TMEM63A: variants seen among roughly 807,000 people sequenced by gnomAD.
TMEM63A encodes the protein mechanosensitive cation channel TMEM63A.
TMEM63A carries 76 observed loss-of-function variants against 100.6 expected under a neutral mutation model. The ratio of observed to expected loss-of-function variants is 0.76; its 90% CI spans 0.63 to 0.91. The LOEUF (loss-of-function observed/expected upper bound fraction) is 0.91, where lower values mean the gene tolerates loss of function less well. TMEM63A is among the 40% of genes least tolerant of loss of function. TMEM63A has a pLI of 0.00. For synonymous variants in TMEM63A, 401 were observed against 401.1 expected (o/e 1.00, Z 0.00); for missense variants, 876 against 1,008.8 (o/e 0.87, Z 1.78).
intron 10 of TMEM63A, chr1:225,863,928 AAAAAAAAAAAAAC>A (rs961361631): frequency 2.7e-5 from 4 of 149,374 alleles, no homozygotes; most frequent in African/African-American, 7.4e-5. Flanking sequence ...AAAAAAAAAA[AAAAAAAAAAAAAC>A]CCAGCAAAAT....
intron 23 of TMEM63A, 62 bp from the exon 24 acceptor site, chr1:225,847,275 C>T: frequency 6.4e-7 from 1 of 1,560,374 alleles, no homozygotes; most frequent in Non-Finnish European, 8.7e-7. Context: ...TGCATCCCTC[C>T]CCTCCTGCCC....
At position 225,846,864 on chromosome 1, in the gene TMEM63A, C is replaced by A; in HGVS notation, c.*75G>T. 1.3e-6 allele frequency: 1 copy of A among 751,560 alleles called. No homozygotes were observed. Among genetic ancestry groups the A allele is most frequent in the Non-Finnish European group, 2.0e-6 (1 of 493,370 alleles). 46.6% of individuals were successfully genotyped at this position (751,560 alleles called of 1,614,324 possible). A position where few individuals can be genotyped will look rare whatever the true frequency, so the allele number is the denominator to read the frequency against. On this transcript the variant is annotated 3_prime_UTR_variant, in exon 25 of 25. Coordinates refer to ENST00000366835, the MANE Select transcript of TMEM63A (RefSeq NM_014698.3). ...TGATAGCTCAGCTGGGCAGTCCCAA[C>A]GCATTCCCACTCAGCCAAGGGCCTG...
intron 3 of TMEM63A, 70 bp from the exon 4 acceptor site, chr1:225,874,437 G>A (rs1216934654): frequency 1.4e-6 from 2 of 1,413,436 alleles, no homozygotes; most frequent in Admixed American, 3.7e-5. Context: ...AGCGGTCTCA[G>A]GGGTAAAGCC....
rs558354248 is a variant in TMEM63A at position 225,870,221 on chromosome 1, G to A, written c.371+855C>T. On this transcript the variant is annotated intron_variant, in intron 6 of 24. Coordinates refer to ENST00000366835, the MANE Select transcript of TMEM63A (RefSeq NM_014698.3). The stretch of plus-strand genomic sequence containing the variant: ...AAAAATATTAGCTGGGCATGGTGGC[G>A]CATGCCTGTAATCTCAGCTACTCTG... 3.9e-3 allele frequency among the ~76,000 whole-genome samples: 588 copies of A among 152,074 alleles called. 1 individual carries two copies. The highest frequency in any genetic ancestry group is 6.4e-3 in the Non-Finnish European group (432 of 68,000).
chr1:225,849,038 G>T (rs1669181368), intron 21 of TMEM63A, 26 bp from the exon 22 acceptor site: 1 of 1,456,822 alleles, frequency 6.9e-7, no homozygotes, highest in South Asian at 1.2e-5. Flanking sequence ...GGCTAGCCTT[G>T]GGGTGGGCAG....
At chr1:225,879,930 C>T (rs1035751367) in intron 1 of TMEM63A, among the ~76,000 whole-genome samples, 4 of 152,156 alleles carry the variant, frequency 2.6e-5, no homozygotes, top group Non-Finnish European at 5.9e-5. Context: ...GAGCATTGTC[C>T]CTGGAAAGGG....
chr1:225,862,358 C>T lies in TMEM63A; in HGVS notation c.952-7G>A. On this transcript the variant is annotated splice_region_variant and splice_polypyrimidine_tract_variant and intron_variant, in intron 12 of 24. Transcript: ENST00000366835. This position sits in a 1 kb window ranked among gnomAD's most constrained non-coding sequence, Gnocchi z 5.1. ...AGTAAGAGATGGCGTCTTCCTGCCA[C>T]AAGACACATCCCATTGGGATGACGT... The T allele has an allele frequency of 6.2e-7, 1 of 1,614,168 alleles. No homozygotes were observed. Among genetic ancestry groups the T allele is most frequent in the Non-Finnish European group, 8.5e-7 (1 of 1,180,026 alleles).
chr1:225,872,095 A>G (rs750740119), intron 4 of TMEM63A, 42 bp from the exon 5 acceptor site: 39 of 592,098 alleles, frequency 6.6e-5, no homozygotes, highest in Middle Eastern at 3.9e-4. Flanking sequence ...TAATTCTTAG[A>G]AAAAAAAAAA....
At chr1:225,861,645 C>G (rs1669943666) in intron 13 of TMEM63A, 1 of 157,704 alleles carries the variant, frequency 6.3e-6, no homozygotes, top group Non-Finnish European at 1.4e-5. Context: ...CTCTCCCGAC[C>G]CACCCTGTGC....
Position 225,853,701 on chromosome 1 carries a change from C to A in TMEM63A, c.1725G>T (p.Leu575=). ...FIGNGMELLR[L]PGLILYTFRM... ...GGAAGGTATAGAGGATGAGACCTGGCAGCCGCAGCAGCTCCATGCCATTGC... is the reference window on the plus strand; with the variant it reads ...GGAAGGTATAGAGGATGAGACCTGGAAGCCGCAGCAGCTCCATGCCATTGC... The change falls in exon 19 of 25, where the codon CTG becomes CTT. Residue 575 remains leucine, a synonymous_variant. Coordinates refer to ENST00000366835, the MANE Select transcript of TMEM63A (RefSeq NM_014698.3). This position sits in a 1 kb window ranked among gnomAD's most constrained non-coding sequence, Gnocchi z 4.0. 1 of 1,591,724 alleles carries A rather than the reference C, an allele frequency of 6.3e-7. No homozygotes were observed. Among genetic ancestry groups the A allele is most frequent in the Non-Finnish European group, 8.6e-7 (1 of 1,169,080 alleles).
chr1:225,857,721 C>G (rs1055491212), intron 15 of TMEM63A, among the ~76,000 whole-genome samples: 3 of 152,086 alleles, frequency 2.0e-5, no homozygotes, highest in African/African-American at 7.2e-5. Flanking sequence ...CTAAATTCTT[C>G]CTTTACTTTA....
At position 225,848,961 on chromosome 1, in the gene TMEM63A, A is replaced by C. The variant is rs776410741; in HGVS notation, c.2123T>G (p.Ile708Ser). The C allele has an allele frequency of 7.5e-6, 11 of 1,474,432 alleles. No individual in the cohort carries two copies. In the East Asian group the frequency reaches 3.3e-4, roughly 44 times the overall value. 91.3% of individuals were successfully genotyped at this position (1,474,432 alleles called of 1,614,324 possible). A position where few individuals can be genotyped will look rare whatever the true frequency, so the allele number is the denominator to read the frequency against. Residue 708 changes from isoleucine to serine, a missense_variant, in exon 22 of 25, where the codon ATC becomes AGC. Transcript: ENST00000366835. ...LFTFLVLLLT[I>S]LVCLAHTCFG... ...GCAGGTGTGAGCCAGGCAGACCAGG[A>C]TGGTGAGCAGCAGCACCAGGAAGGT...
intron 1 of TMEM63A, among the ~76,000 whole-genome samples, chr1:225,881,814 C>T (rs888642891): frequency 2.0e-5 from 3 of 152,166 alleles, no homozygotes; most frequent in Admixed American, 1.3e-4. Context: ...CCCCCAGTCC[C>T]CGAGTCCCCA....
chr1:225,841,535 C>T (rs1265971602), downstream of TMEM63A, among the ~76,000 whole-genome samples: 3 of 151,422 alleles, frequency 2.0e-5, no homozygotes, highest in Non-Finnish European at 2.9e-5. Flanking sequence ...CCACCCGCCT[C>T]GGCCTCCCAA....
rs1326403603 is a variant in TMEM63A at position 225,853,055 on chromosome 1, T to C, written c.1798-286A>G. Among the ~76,000 whole-genome samples, 2 of 152,062 alleles carry C rather than the reference T, an allele frequency of 1.3e-5. No individual in the cohort carries two copies. The highest frequency in any genetic ancestry group is 1.3e-4 in the Admixed American group (2 of 15,270). On this transcript the variant is annotated intron_variant, in intron 19 of 24. Transcript: ENST00000366835. The surrounding 1 kb of genome is among the most constrained non-coding windows in gnomAD (Gnocchi z 4.0). Reference sequence around the variant, plus strand: ...GGAAGAGGTGGTCAGGGAAGAGGTGTAGAGTGACTCCAGCCCTTCTAGCAG... The same window carrying C: ...GGAAGAGGTGGTCAGGGAAGAGGTGCAGAGTGACTCCAGCCCTTCTAGCAG...
At chr1:225,871,882 T>C in intron 5 of TMEM63A, 105 bp downstream of exon 5, 1 of 843,398 alleles carries the variant, frequency 1.2e-6, no homozygotes, top group Non-Finnish European at 1.9e-6. Context: ...GAAAAGCACT[T>C]TCTCCAGCAC....
chr1:225,880,396 AAC>A (rs1312031632), intron 1 of TMEM63A, among the ~76,000 whole-genome samples: 1 of 152,106 alleles, frequency 6.6e-6, no homozygotes, highest in Non-Finnish European at 1.5e-5. Context: ...GGCAGCTGGG[AAC>A]ACAGACACCA....
chr1:225,880,619 TCCTA>T (rs1671042594), intron 1 of TMEM63A, among the ~76,000 whole-genome samples: 1 of 152,044 alleles, frequency 6.6e-6, no homozygotes, highest in Non-Finnish European at 1.5e-5. Flanking sequence ...ATCCCCTTAT[TCCTA>T]CTCAATATGC....
At chr1:225,854,169 C>A (rs951214495) in intron 18 of TMEM63A, among the ~76,000 whole-genome samples, 1 of 152,188 alleles carries the variant, frequency 6.6e-6, no homozygotes, top group African/African-American at 2.4e-5. Flanking sequence ...GGTGAAGGAG[C>A]AAGTCATCCC....
Sources: allele counts gnomAD v4.1 joint callset (sites outside exome capture counted in the v4.1 genomes callset), GRCh38; gene constraint gnomAD v4.1.1; non-coding constraint Gnocchi (gnomAD v3.1); transcripts MANE v1.5; gene names NCBI Gene and HGNC (gene_info 2026-07-23, HGNC 2026-07-21).